PNPLA1: variants seen among roughly 807,000 people sequenced by gnomAD.
PNPLA1 encodes the protein omega-hydroxyceramide transacylase.
A neutral mutation model predicts 51.7 loss-of-function variants in PNPLA1; 36 were observed. That is an observed-to-expected ratio of 0.70 (90% CI 0.53 to 0.92). The LOEUF is 0.92. Ranked by LOEUF, PNPLA1 falls within the 40% of genes least tolerant of loss-of-function variation. PNPLA1 has a pLI of 0.00. For synonymous variants in PNPLA1, 293 were observed against 280.1 expected, an observed-to-expected ratio of 1.05 and a Z score of -0.46; for missense variants, 658 against 682.5, an observed-to-expected ratio of 0.96 and a Z score of 0.40.
intron 1 of PNPLA1, among the ~76,000 whole-genome samples, chr6:36,243,860 G>A (rs1419141281): frequency 6.6e-6 from 1 of 152,238 alleles, no homozygotes; most frequent in Non-Finnish European, 1.5e-5. Flanking sequence ...CTGGTCTGGA[G>A]AGTGTGAAGC....
intron 7 of PNPLA1, among the ~76,000 whole-genome samples, chr6:36,306,957 A>G (rs9470250): frequency 0.011 from 1,660 of 152,272 alleles, 25 homozygotes; most frequent in African/African-American, 0.036. Context: ...GCTTTTTTAA[A>G]AACTTCCCTG....
In PNPLA1 at chr6:36,300,295, T is replaced by C. The variant is rs549078122; in HGVS notation, c.776-1566T>C. 5.9e-5 allele frequency among the ~76,000 whole-genome samples: 9 copies of C among 151,388 alleles called. No individual in the cohort carries two copies. The South Asian group carries it at 1.0e-3, about 18-fold the overall frequency. Reference sequence around the variant, plus strand: ...CTGCAAGCTCCACCTCCCGGGTTCATGCCATTCTCCTGCCTCAGCCTCCCG... The same window carrying C: ...CTGCAAGCTCCACCTCCCGGGTTCACGCCATTCTCCTGCCTCAGCCTCCCG... On this transcript the variant is annotated intron_variant, in intron 5 of 8. Transcript: ENST00000636260.
At chr6:36,292,068 A>G (rs1770703166) in intron 2 of PNPLA1, among the ~76,000 whole-genome samples, 1 of 152,190 alleles carries the variant, frequency 6.6e-6, no homozygotes, top group Non-Finnish European at 1.5e-5. Flanking sequence ...AAGCTCATTA[A>G]TATTAATTTT....
At chr6:36,290,889 C>T (rs549982077) in intron 1 of PNPLA1, among the ~76,000 whole-genome samples, 5 of 152,216 alleles carry the variant, frequency 3.3e-5, no homozygotes, top group Non-Finnish European at 5.9e-5. Flanking sequence ...TTAGGAACAA[C>T]TTCCAACTGC....
intron 1 of PNPLA1, among the ~76,000 whole-genome samples, chr6:36,264,445 A>G (rs1247493787): frequency 6.6e-6 from 1 of 152,236 alleles, no homozygotes; most frequent in Non-Finnish European, 1.5e-5. Context: ...TTTATGTGAA[A>G]TTTTTAAAAA....
intron 8 of PNPLA1, among the ~76,000 whole-genome samples, chr6:36,311,296 TAGTC>T (rs1005433371): frequency 3.9e-5 from 6 of 152,334 alleles, no homozygotes; most frequent in Non-Finnish European, 5.9e-5. Flanking sequence ...GAGCAGAAGT[TAGTC>T]AGACTGAGGA....
intron 1 of PNPLA1, among the ~76,000 whole-genome samples, chr6:36,253,648 T>A (rs529703016): frequency 1.5e-4 from 23 of 152,290 alleles, no homozygotes; most frequent in South Asian, 4.1e-4. Context: ...ACTAATTTTT[T>A]AAAAAATTTT....
rs556870817 is a variant in PNPLA1 at position 36,256,809 on chromosome 6, T to C, written c.-81+13548T>C. On this transcript the variant is annotated intron_variant, in intron 1 of 7. Coordinates refer to the PNPLA1 transcript ENST00000312917. ...AATAAACAGACAGTAGACAGATTAA[T>C]AGGAGAAAAAGCATACCAATTTATT... 3.9e-5 allele frequency among the ~76,000 whole-genome samples: 6 copies of C among 152,092 alleles called. No homozygotes were observed. The South Asian group carries it at 1.0e-3, about 26-fold the overall frequency.
chr6:36,256,276 A>G (rs1769531316), intron 1 of PNPLA1, among the ~76,000 whole-genome samples: 1 of 152,084 alleles, frequency 6.6e-6, no homozygotes, highest in African/African-American at 2.4e-5. Flanking sequence ...GAATCCCTTG[A>G]ACCCAGGAGT....
At chr6:36,281,015 A>G (rs75568919) in intron 1 of PNPLA1, among the ~76,000 whole-genome samples, 5,231 of 152,098 alleles carry the variant, frequency 0.034, 130 homozygotes, top group Middle Eastern at 0.14. Flanking sequence ...TTAGTCTCGA[A>G]CTCCTGGCCT....
chr6:36,281,425 A>G (rs1041356748), intron 1 of PNPLA1, among the ~76,000 whole-genome samples: 1 of 152,198 alleles, frequency 6.6e-6, no homozygotes, highest in Non-Finnish European at 1.5e-5. Context: ...GCTATTTACC[A>G]AGCACTTAGA....
intron 1 of PNPLA1, among the ~76,000 whole-genome samples, chr6:36,259,048 A>G (rs1561849044): frequency 6.6e-6 from 1 of 152,200 alleles, no homozygotes. Context: ...TCTGGGTTGT[A>G]TCACCATTTC....
At chr6:36,248,201 A>T (rs755179894) in intron 1 of PNPLA1, among the ~76,000 whole-genome samples, 3 of 152,182 alleles carry the variant, frequency 2.0e-5, no homozygotes, top group Non-Finnish European at 2.9e-5. Flanking sequence ...AGGTGATTTA[A>T]AAAAATAATA....
rs76209377 is a variant in PNPLA1, at chr6:36,261,131, G to A, written c.-81+17870G>A. On this transcript the variant is annotated intron_variant, in intron 1 of 7. Transcript: ENST00000312917. The stretch of plus-strand genomic sequence containing the variant: ...GGCATGAGCCACCAAGCTTGGCCAC[G>A]ACCATTTTCATGATCATTTTTAATG... 9.5e-3 allele frequency among the ~76,000 whole-genome samples: 1,442 copies of A among 152,284 alleles called. 18 individuals are homozygous for A. Among genetic ancestry groups the A allele is most frequent in the Middle Eastern group, 0.037 (11 of 294 alleles).
intron 1 of PNPLA1, among the ~76,000 whole-genome samples, chr6:36,285,254 C>T (rs377684714): frequency 4.2e-4 from 64 of 152,306 alleles, no homozygotes; most frequent in African/African-American, 1.5e-3. Context: ...TGCTGCGCCC[C>T]CTGCTTCCCG....
chr6:36,297,865 T>TACACACACACAC lies in PNPLA1; in HGVS notation c.775+2454_775+2465dup, dbSNP rs112771131. 6.9e-3 allele frequency among the ~76,000 whole-genome samples: 921 copies of TACACACACACAC among 133,804 alleles called. 5 individuals are homozygous for TACACACACACAC. The highest frequency in any genetic ancestry group is 0.024 in the South Asian group (104 of 4,354). The allele number at this position is 133,804 out of a possible 152,430, so 87.8% of individuals were successfully genotyped here. A position where few individuals can be genotyped will look rare whatever the true frequency, so the allele number is the denominator to read the frequency against. ...TTTGGTAAGTGACTCTGTCTCTCTGTACACACACACACACACACACACACC... is the reference window on the plus strand; with the variant it reads ...TTTGGTAAGTGACTCTGTCTCTCTGTACACACACACACACACACACACACACACACACACACC... On this transcript the variant is annotated intron_variant, in intron 5 of 8. Coordinates refer to ENST00000636260, the MANE Select transcript of PNPLA1 (RefSeq NM_001374623.1).
intron 5 of PNPLA1, among the ~76,000 whole-genome samples, chr6:36,297,879 C>CACACACAG (rs1449767353): frequency 4.3e-5 from 6 of 138,700 alleles, no homozygotes; most frequent in African/African-American, 1.5e-4. Context: ...CACACACACA[C>CACACACAG]ACACACACAC....
At chr6:36,248,568 C>G (rs1769353891) in intron 1 of PNPLA1, among the ~76,000 whole-genome samples, 3 of 151,540 alleles carry the variant, frequency 2.0e-5, no homozygotes, top group Admixed American at 2.0e-4. Context: ...GTCGCCCAGG[C>G]TGGAGTGCAG....
rs765162711 is a variant in PNPLA1 at position 36,301,961 on chromosome 6, C to T, written c.876C>T (p.Arg292=). 6.2e-7 allele frequency: 1 copy of T among 1,614,208 alleles called. No individual in the cohort carries two copies. ...CCCTTGGCAATGAGTGCCCTGAACG[C>T]AGTCAACCAAGCCTTCGAGCACGGC... ...ELALGNECPE[R]SQPSLRARQA... The change falls in exon 6 of 9, where the codon CGC becomes CGT. Residue 292 remains arginine, a synonymous_variant. Coordinates refer to ENST00000636260, the MANE Select transcript of PNPLA1 (RefSeq NM_001374623.1).
Sources: gnomAD v4.1 joint callset for allele counts (sites outside exome capture counted in the v4.1 genomes callset) on GRCh38, gnomAD v4.1.1 for gene constraint, MANE v1.5 for transcripts, NCBI Gene and HGNC (gene_info 2026-07-23, HGNC 2026-07-21) for gene names.